Variants in TTLL7 observed in about 807,000 individuals in gnomAD.
TTLL7 encodes the protein tubulin tyrosine ligase like 7.
TTLL7 carries 53 observed loss-of-function variants against 120.2 expected under a neutral mutation model. The observed-to-expected ratio is 0.44, with a 90% CI of 0.35 to 0.55. The LOEUF (loss-of-function observed/expected upper bound fraction) is 0.55, where lower values mean the gene tolerates loss of function less well. Among genes scored for constraint, TTLL7 ranks in the 20% least tolerant of loss-of-function variants. The probability of loss-of-function intolerance (pLI) is 0.00; values close to 1 mark genes in which losing one functional copy is unlikely to be tolerated. For missense variants in TTLL7, 803 were observed against 1,054.7 expected (o/e 0.76, Z 3.31); for synonymous variants, 353 against 351.7 (o/e 1.00, Z -0.04).
chr1:83,898,517 GAA>G (rs2100747012), intron 18 of TTLL7, among the ~76,000 whole-genome samples: 1 of 152,024 alleles, frequency 6.6e-6, no homozygotes, highest in East Asian at 1.9e-4. Context: ...GTCATGTAAT[GAA>G]AAGAGGTCTA....
chr1:83,905,759 A>G (rs2100760553), intron 17 of TTLL7, among the ~76,000 whole-genome samples: 1 of 152,112 alleles, frequency 6.6e-6, no homozygotes, highest in South Asian at 2.1e-4. Flanking sequence ...AATTAGGAGT[A>G]AGTCACTGGT....
At chr1:83,914,738 T>C (rs928508737) in intron 14 of TTLL7, among the ~76,000 whole-genome samples, 1 of 152,192 alleles carries the variant, frequency 6.6e-6, no homozygotes, top group Non-Finnish European at 1.5e-5. Context: ...TTCTTCTCTA[T>C]GGGGCTGTAG....
chr1:83,991,419 G>A (rs1278961029), intron 1 of TTLL7, among the ~76,000 whole-genome samples: 1 of 152,148 alleles, frequency 6.6e-6, no homozygotes, highest in Non-Finnish European at 1.5e-5. Flanking sequence ...GCTAAGGCTG[G>A]TGGACCACTT....
intron 20 of TTLL7, 66 bp downstream of exon 20, chr1:83,882,897 T>C: frequency 6.5e-7 from 1 of 1,548,062 alleles, no homozygotes; most frequent in South Asian, 1.2e-5. Context: ...ACACTGTCAA[T>C]TTCAAACTGT....
intron 9 of TTLL7, among the ~76,000 whole-genome samples, chr1:83,933,244 C>G (rs1167822037): frequency 6.6e-6 from 1 of 152,092 alleles, no homozygotes; most frequent in East Asian, 1.9e-4. Flanking sequence ...GATCCTGAAG[C>G]CCAGGCACTC....
intron 17 of TTLL7, among the ~76,000 whole-genome samples, chr1:83,905,585 C>T (rs1657131110): frequency 6.7e-6 from 1 of 149,082 alleles, no homozygotes; most frequent in South Asian, 2.1e-4. Context: ...AAAAAAATGG[C>T]CCAAAATATA....
intron 18 of TTLL7, among the ~76,000 whole-genome samples, chr1:83,898,545 A>G (rs1437996390): frequency 1.3e-5 from 2 of 152,002 alleles, no homozygotes; most frequent in Non-Finnish European, 2.9e-5. Flanking sequence ...TCTTTCTATT[A>G]CATGCTTTTG....
In TTLL7 at chr1:83,890,330, C is replaced by T. The variant is rs374557018; in HGVS notation, c.2360G>A (p.Cys787Tyr). Residue 787 changes from cysteine to tyrosine, a missense_variant, in exon 19 of 21, where the codon TGT (cysteine) becomes TAT (tyrosine). Cys to Tyr is a radical substitution (Grantham distance 194, BLOSUM62 -2). Coordinates refer to ENST00000260505, the MANE Select transcript of TTLL7 (RefSeq NM_024686.6). The stretch of plus-strand genomic sequence containing the variant: ...ATGACTTAGAGCTTACCCTGAATCA[C>T]AGAAACAGTTCCACAGCCCTTGGCC... Reference protein sequence around the residue: ...SRGQGLWNCFCDSGSSWESIF... With the variant: ...SRGQGLWNCFYDSGSSWESIF... 4 of 1,611,376 alleles carry T rather than the reference C, an allele frequency of 2.5e-6. No homozygotes were observed. In the African/African-American group the frequency reaches 5.4e-5, roughly 22 times the overall value.
intron 1 of TTLL7, among the ~76,000 whole-genome samples, chr1:83,961,989 T>TGTACA (rs1192970879): frequency 5.3e-5 from 8 of 152,252 alleles, no homozygotes; most frequent in African/African-American, 1.9e-4. Context: ...GCTGTGGAGT[T>TGTACA]GAAACTTAGG....
chr1:83,921,413 G>C lies in TTLL7; in HGVS notation c.1143-19C>G. On this transcript the variant is annotated intron_variant, in intron 10 of 20. Coordinates refer to ENST00000260505, the MANE Select transcript of TTLL7 (RefSeq NM_024686.6). ...ACTGGTCCTAAAATATAAAACATAA[G>C]ACCATATTCTAGAACTCGAACAAGT... The C allele has an allele frequency of 6.2e-7, 1 of 1,607,930 alleles. No homozygotes were observed. Among genetic ancestry groups the C allele is most frequent in the Non-Finnish European group, 8.5e-7 (1 of 1,178,714 alleles).
chr1:83,881,868 GA>G (rs1207283614), intron 20 of TTLL7, among the ~76,000 whole-genome samples: 1 of 150,018 alleles, frequency 6.7e-6, no homozygotes, highest in Non-Finnish European at 1.5e-5. Context: ...ACTGGATTAA[GA>G]AAATGTGGCA....
At chr1:83,956,278 TTATTTATG>T (rs1280307222) in intron 1 of TTLL7, among the ~76,000 whole-genome samples, 32 of 149,822 alleles carry the variant, frequency 2.1e-4, no homozygotes, top group African/African-American at 5.9e-4. Context: ...TTTTATTTAT[TTATTTATG>T]TATTTATTTA....
intron 1 of TTLL7, among the ~76,000 whole-genome samples, chr1:83,990,452 GGCGTGAGCCACCGC>G (rs1290854022): frequency 2.0e-5 from 3 of 152,228 alleles, no homozygotes; most frequent in Non-Finnish European, 4.4e-5. Flanking sequence ...TGGGATTACA[GGCGTGAGCCACCGC>G]GCCCGGCCTG....
Position 83,911,168 on chromosome 1 carries a change from G to A in TTLL7, c.1783C>T (p.Pro595Ser). Residue 595 changes from proline to serine, a missense_variant, in exon 15 of 21, where the codon CCC becomes TCC. Pro to Ser is a moderately conservative substitution (Grantham distance 74, BLOSUM62 -1). Coordinates refer to ENST00000260505, the MANE Select transcript of TTLL7 (RefSeq NM_024686.6). ...AAATTAGAAGAAATTGACTTACTGG[G>A]TTGTTGAATTAATTTGTAGTGGTTG... Reference protein sequence around the residue: ...PSNHYKLIQQPSSIRRSVSCP... With the variant: ...PSNHYKLIQQSSSIRRSVSCP... 6.2e-7 allele frequency: 1 copy of A among 1,604,788 alleles called. No homozygotes were observed. Among genetic ancestry groups the A allele is most frequent in the Non-Finnish European group, 8.5e-7 (1 of 1,172,842 alleles).
chr1:83,924,265 T>C (rs1022737847), intron 10 of TTLL7, among the ~76,000 whole-genome samples: 1 of 152,184 alleles, frequency 6.6e-6, no homozygotes, highest in African/African-American at 2.4e-5. Flanking sequence ...ACAAAGGAGT[T>C]AGTAAACCAT....
intron 1 of TTLL7, among the ~76,000 whole-genome samples, chr1:83,975,219 A>G (rs1029949908): frequency 2.0e-5 from 3 of 152,128 alleles, no homozygotes; most frequent in African/African-American, 7.2e-5. Context: ...ACTGCACAAA[A>G]GGAGCTTTAA....
chr1:83,878,227 T>C (rs974741767), intron 20 of TTLL7, among the ~76,000 whole-genome samples: 7 of 151,798 alleles, frequency 4.6e-5, no homozygotes, highest in African/African-American at 1.7e-4. Context: ...CACTATATGG[T>C]TGATTTTCTA....
chr1:83,904,845 G>C (rs943198248), intron 17 of TTLL7, among the ~76,000 whole-genome samples: 5 of 151,956 alleles, frequency 3.3e-5, no homozygotes, highest in African/African-American at 1.2e-4. Context: ...CAAAACTTCT[G>C]AATATATAGT....
intron 18 of TTLL7, among the ~76,000 whole-genome samples, chr1:83,897,619 A>G (rs1656350881): frequency 6.6e-6 from 1 of 152,054 alleles, no homozygotes; most frequent in Non-Finnish European, 1.5e-5. Context: ...GCCAAGGATG[A>G]AGCATGGCTG....
Sources: gnomAD v4.1 joint callset for allele counts (sites outside exome capture counted in the v4.1 genomes callset) on GRCh38, gnomAD v4.1.1 for gene constraint, MANE v1.5 for transcripts, NCBI Gene and HGNC (gene_info 2026-07-23, HGNC 2026-07-21) for gene names.